The following PREX2 variants were observed in gnomAD, a reference collection of about 807,000 sequenced individuals.
PREX2 encodes the protein phosphatidylinositol 3,4,5-trisphosphate-dependent Rac exchanger 2 protein.
PREX2 carries 107 observed loss-of-function variants against 203.2 expected under a neutral mutation model. The ratio of observed to expected loss-of-function variants is 0.53; its 90% confidence interval spans 0.45 to 0.62. The LOEUF is 0.62. Among genes scored for constraint, PREX2 ranks in the 20% least tolerant of loss-of-function variants. The pLI, the probability that PREX2 is intolerant of heterozygous loss-of-function variation, is 0.00. For missense variants in PREX2, 1,777 were observed against 1,955.9 expected, an observed-to-expected ratio of 0.91 and a Z score of 1.72; for synonymous variants, 672 against 663.6, an observed-to-expected ratio of 1.01 and a Z score of -0.19.
At chr8:68,036,461 A>G (rs569602304) in intron 6 of PREX2, among the ~76,000 whole-genome samples, 2 of 152,312 alleles carry the variant, frequency 1.3e-5, no homozygotes, top group African/African-American at 2.4e-5. Flanking sequence ...GCAACAACTT[A>G]TCATCCAGGG....
At chr8:68,108,362 A>G in intron 24 of PREX2, 31 bp downstream of exon 24, 1 of 1,538,198 alleles carries the variant, frequency 6.5e-7, no homozygotes, top group South Asian at 1.1e-5. Flanking sequence ...TTATCAAATC[A>G]TGAAAAGCAA....
chr8:67,988,116 G>C (rs1396825664), intron 1 of PREX2, among the ~76,000 whole-genome samples: 2 of 152,132 alleles, frequency 1.3e-5, no homozygotes, highest in African/African-American at 4.8e-5. Context: ...ATAGACTTTT[G>C]GATTGCCTCT....
chr8:68,088,338 A>G (rs1036422874), intron 19 of PREX2, among the ~76,000 whole-genome samples: 2 of 152,146 alleles, frequency 1.3e-5, no homozygotes, highest in African/African-American at 4.8e-5. Context: ...TTCTTATCAT[A>G]TGTATTTTTT....
chr8:68,046,716 G>C (rs1029093140), intron 8 of PREX2, among the ~76,000 whole-genome samples: 4 of 151,982 alleles, frequency 2.6e-5, no homozygotes, highest in South Asian at 4.2e-4. Context: ...TTATTCAACT[G>C]GGGCTTTCCC....
At chr8:68,089,511 T>C (rs543262302) in intron 19 of PREX2, among the ~76,000 whole-genome samples, 1 of 152,238 alleles carries the variant, frequency 6.6e-6, no homozygotes, top group East Asian at 1.9e-4. Context: ...CCACTCCCAT[T>C]CTAAGCTCAC....
intron 8 of PREX2, among the ~76,000 whole-genome samples, chr8:68,050,180 C>T (rs1421829073): frequency 6.6e-6 from 1 of 152,058 alleles, no homozygotes; most frequent in Non-Finnish European, 1.5e-5. Flanking sequence ...TTGACACAAG[C>T]TGTTCTTTTA....
chr8:68,174,001 T>G (rs1811931777), intron 35 of PREX2, among the ~76,000 whole-genome samples: 1 of 152,212 alleles, frequency 6.6e-6, no homozygotes, highest in Non-Finnish European at 1.5e-5. Flanking sequence ...ATTTTTATTT[T>G]TAACTCTGTT....
intron 11 of PREX2, among the ~76,000 whole-genome samples, chr8:68,063,694 T>C (rs1265847728): frequency 6.6e-6 from 1 of 152,180 alleles, no homozygotes; most frequent in Non-Finnish European, 1.5e-5. Context: ...TATTTCTGCC[T>C]TTCTAGAAGG....
chr8:68,093,123 G>C (rs1450024199), intron 20 of PREX2, among the ~76,000 whole-genome samples: 1 of 152,128 alleles, frequency 6.6e-6, no homozygotes, highest in East Asian at 1.9e-4. Flanking sequence ...AGGCGCAGTA[G>C]CTCCTGCCTG....
chr8:68,197,284 T>C (rs1025045773), intron 37 of PREX2, among the ~76,000 whole-genome samples: 1 of 152,056 alleles, frequency 6.6e-6, no homozygotes, highest in Non-Finnish European at 1.5e-5. Flanking sequence ...GTGGAGGTAA[T>C]TGGATCATGG....
intron 37 of PREX2, among the ~76,000 whole-genome samples, chr8:68,199,109 CCAT>C (rs1812454946): frequency 6.6e-6 from 1 of 151,172 alleles, no homozygotes; most frequent in South Asian, 2.1e-4. Context: ...GTTAGTGGCA[CCAT>C]CAAGAAGGCC....
At position 68,045,247 on chromosome 8, in the gene PREX2, A is replaced by C. The variant is rs1397347235; in HGVS notation, c.943+657A>C. Among the ~76,000 whole-genome samples the C allele has an allele frequency of 2.0e-5, 3 of 152,158 alleles. No homozygotes were observed. The East Asian group carries it at 5.8e-4, about 29-fold the overall frequency. On this transcript the variant is annotated intron_variant, in intron 8 of 39. Coordinates refer to ENST00000288368, the MANE Select transcript of PREX2 (RefSeq NM_024870.4). ...ATTTGAAAAAAAAAAGTTGTCTCTA[A>C]AATAAATACTTAGTAAAGTGAATTC...
At chr8:68,042,365 T>G (rs543437789) in intron 7 of PREX2, among the ~76,000 whole-genome samples, 1 of 151,956 alleles carries the variant, frequency 6.6e-6, no homozygotes, top group East Asian at 1.9e-4. Flanking sequence ...TAACATGATA[T>G]TGCTTAGTTT....
At chr8:68,217,223 A>T (rs1812859673) in intron 37 of PREX2, among the ~76,000 whole-genome samples, 1 of 152,212 alleles carries the variant, frequency 6.6e-6, no homozygotes, top group African/African-American at 2.4e-5. Context: ...TTTGTGCACA[A>T]ATCAGTATAA....
intron 1 of PREX2, among the ~76,000 whole-genome samples, chr8:67,985,761 T>G (rs1806399211): frequency 2.0e-5 from 3 of 152,170 alleles, no homozygotes; most frequent in Admixed American, 1.3e-4. Context: ...AGAGGACAGT[T>G]TCAGGGTGAT....
chr8:68,042,598 T>C (rs943546914), intron 7 of PREX2, among the ~76,000 whole-genome samples: 99 of 152,276 alleles, frequency 6.5e-4, no homozygotes, highest in African/African-American at 2.3e-3. Context: ...TTTCTACTAT[T>C]GTATACATTC....
intron 38 of PREX2, among the ~76,000 whole-genome samples, chr8:68,218,192 A>G (rs1458067424): frequency 6.6e-6 from 1 of 152,130 alleles, no homozygotes; most frequent in African/African-American, 2.4e-5. Context: ...TAAAGCACTT[A>G]CCTCAAATTT....
intron 23 of PREX2, among the ~76,000 whole-genome samples, chr8:68,101,137 T>C (rs533336286): frequency 6.6e-6 from 1 of 152,336 alleles, no homozygotes; most frequent in East Asian, 1.9e-4. Flanking sequence ...TAATATTCTT[T>C]ATCTCAATAT....
chr8:67,955,701 G>C (rs1805480047), intron 1 of PREX2, among the ~76,000 whole-genome samples: 1 of 152,176 alleles, frequency 6.6e-6, no homozygotes, highest in Non-Finnish European at 1.5e-5. Context: ...TGTGTGCAGT[G>C]CTTGTGACAT....
Sources: allele counts gnomAD v4.1 joint callset (sites outside exome capture counted in the v4.1 genomes callset), GRCh38; gene constraint gnomAD v4.1.1; transcripts MANE v1.5; gene names NCBI Gene and HGNC (gene_info 2026-07-23, HGNC 2026-07-21).